CHN1: variants seen among roughly 807,000 people sequenced by gnomAD.
CHN1 encodes the protein chimerin 1.
A neutral mutation model predicts 59.5 loss-of-function variants in CHN1; 37 were observed. The ratio of observed to expected loss-of-function variants is 0.62; its 90% CI spans 0.48 to 0.82. The LOEUF (loss-of-function observed/expected upper bound fraction) is 0.82. CHN1 is among the 40% of genes least tolerant of loss of function. The pLI, the probability that CHN1 is intolerant of heterozygous loss-of-function variation, is 0.00. For missense variants in CHN1, 469 were observed against 571.0 expected, an observed-to-expected ratio of 0.82 and a Z score of 1.82; for synonymous variants, 206 against 200.4, an observed-to-expected ratio of 1.03 and a Z score of -0.24.
chr2:174,839,592 G>A (rs1307184897), intron 7 of CHN1, among the ~76,000 whole-genome samples: 1 of 151,168 alleles, frequency 6.6e-6, no homozygotes, highest in Non-Finnish European at 1.5e-5. Context: ...ATACTGTGTT[G>A]TGCACTTAAA....
At chr2:174,891,646 G>A (rs962066278) in intron 5 of CHN1, among the ~76,000 whole-genome samples, 2 of 151,504 alleles carry the variant, frequency 1.3e-5, no homozygotes, top group East Asian at 1.9e-4. Flanking sequence ...CTAAGAGGCA[G>A]TTTATAGTGG....
At chr2:174,956,202 GAAGA>G (rs1690199385) in intron 1 of CHN1, among the ~76,000 whole-genome samples, 1 of 151,966 alleles carries the variant, frequency 6.6e-6, no homozygotes, top group African/African-American at 2.4e-5. Context: ...CCAAAATGTT[GAAGA>G]AAGAAAAAAT....
chr2:174,935,795 C>T lies in CHN1; in HGVS notation c.114+9093G>A, dbSNP rs890664606. On this transcript the variant is annotated intron_variant, in intron 3 of 12. Transcript: ENST00000409900. ...CAAAACAAAACAAAAAAGCCAGGCA[C>T]GGCGGTGCACACATGCAGTCCCAGC... 2.0e-5 allele frequency among the ~76,000 whole-genome samples: 3 copies of T among 151,848 alleles called. 1 individual carries two copies. Among genetic ancestry groups the T allele is most frequent in the South Asian group, 4.2e-4 (2 of 4,804 alleles).
chr2:174,998,691 T>C (rs1341355083), intron 1 of CHN1, among the ~76,000 whole-genome samples: 2 of 152,242 alleles, frequency 1.3e-5, no homozygotes, highest in African/African-American at 4.8e-5. Context: ...CTGTGGGTAT[T>C]GGCTCTTTCC....
At chr2:174,988,163 C>T (rs1472057132) in intron 1 of CHN1, among the ~76,000 whole-genome samples, 1 of 151,996 alleles carries the variant, frequency 6.6e-6, no homozygotes, top group Non-Finnish European at 1.5e-5. Flanking sequence ...TCGAGACCAT[C>T]CTGGCTAACA....
chr2:174,997,994 CAAA>C (rs537594884), intron 1 of CHN1, among the ~76,000 whole-genome samples: 7 of 74,900 alleles, frequency 9.3e-5, no homozygotes, highest in South Asian at 3.9e-4. Flanking sequence ...CTCGGGGGCG[CAAA>C]AAAAAAAAAA....
At chr2:174,997,591 T>C (rs1023986938) in intron 1 of CHN1, among the ~76,000 whole-genome samples, 7 of 152,148 alleles carry the variant, frequency 4.6e-5, no homozygotes, top group Non-Finnish European at 8.8e-5. Flanking sequence ...GTCAAACAGA[T>C]GTTTCCATTT....
In CHN1 at chr2:174,998,163, C is replaced by A. The variant is rs568650250; in HGVS notation, c.19+6731G>T. Among the ~76,000 whole-genome samples, 40 of 151,282 alleles carry A rather than the reference C, an allele frequency of 2.6e-4. No individual in the cohort carries two copies. In the East Asian group the frequency reaches 7.4e-3, roughly 28 times the overall value. ...ACTAAATACGCAAAAATTAGCCAGGCATTGTGGCACATGCCTATGGTCCCA... is the reference window on the plus strand; with the variant it reads ...ACTAAATACGCAAAAATTAGCCAGGAATTGTGGCACATGCCTATGGTCCCA... On this transcript the variant is annotated intron_variant, in intron 1 of 12. Transcript: ENST00000409900.
intron 7 of CHN1, among the ~76,000 whole-genome samples, chr2:174,825,620 A>G (rs1263291257): frequency 6.6e-6 from 1 of 152,234 alleles, no homozygotes; most frequent in African/African-American, 2.4e-5. Flanking sequence ...CAATGAATCC[A>G]AACTCTGAAC....
Position 174,799,594 on chromosome 2 carries a change from G to C in CHN1, c.*522C>G. The C allele has an allele frequency of 1.9e-6, 1 of 527,204 alleles. No homozygotes were observed. Among genetic ancestry groups the C allele is most frequent in the Non-Finnish European group, 3.7e-6 (1 of 271,978 alleles). 32.7% of individuals were successfully genotyped at this position (527,204 alleles called of 1,614,324 possible). A position where few individuals can be genotyped will look rare whatever the true frequency, so the allele number is the denominator to read the frequency against. ...GGAAAGAAAGTACTATGTTAGAGAA[G>C]AACTAAGAGAAACCAGAAATCATTT... On this transcript the variant is annotated 3_prime_UTR_variant, in exon 13 of 13. Coordinates refer to ENST00000409900, the MANE Select transcript of CHN1 (RefSeq NM_001822.7).
chr2:174,944,137 T>C (rs1689756668), intron 3 of CHN1, among the ~76,000 whole-genome samples: 1 of 152,214 alleles, frequency 6.6e-6, no homozygotes, highest in South Asian at 2.1e-4. Flanking sequence ...TTTTCTGCTA[T>C]TACTAACAAT....
intron 6 of CHN1, among the ~76,000 whole-genome samples, chr2:174,872,502 G>C (rs1348807978): frequency 6.6e-6 from 1 of 152,158 alleles, no homozygotes; most frequent in Non-Finnish European, 1.5e-5. Context: ...AGGCAAAGGA[G>C]AGTTAAAATA....
At chr2:174,954,364 C>T (rs1690120608) in intron 1 of CHN1, among the ~76,000 whole-genome samples, 1 of 152,038 alleles carries the variant, frequency 6.6e-6, no homozygotes, top group Non-Finnish European at 1.5e-5. Flanking sequence ...TTGGAAAACC[C>T]CTTCTAGATA....
chr2:174,800,300 AG>A lies in CHN1; in HGVS notation c.1209-14del. 7.0e-7 allele frequency: 1 copy of A among 1,429,128 alleles called. No homozygotes were observed. Among genetic ancestry groups the A allele is most frequent in the African/African-American group, 1.4e-5 (1 of 70,232 alleles). The allele number at this position is 1,429,128 out of a possible 1,614,324, so 88.5% of individuals were successfully genotyped here. A position where few individuals can be genotyped will look rare whatever the true frequency, so the allele number is the denominator to read the frequency against. ...GTGGAGGGTCACTCTGAAAAATGCA[AG>A]TACAGGAATAAATGACTTTGTGTAA... On this transcript the variant is annotated splice_polypyrimidine_tract_variant and intron_variant, in intron 12 of 12. Transcript: ENST00000409900.
intron 1 of CHN1, among the ~76,000 whole-genome samples, chr2:174,995,357 T>C (rs1323871921): frequency 6.6e-6 from 1 of 152,210 alleles, no homozygotes; most frequent in Non-Finnish European, 1.5e-5. Flanking sequence ...AGCAGCATGA[T>C]GAAATCTTAC....
intron 8 of CHN1, among the ~76,000 whole-genome samples, chr2:174,813,255 A>G (rs1685134885): frequency 6.6e-6 from 1 of 152,244 alleles, no homozygotes. Flanking sequence ...GGATGATTCT[A>G]GAGTCCACAT....
At chr2:174,953,524 C>G (rs1484370785) in intron 1 of CHN1, among the ~76,000 whole-genome samples, 1 of 152,006 alleles carries the variant, frequency 6.6e-6, no homozygotes, top group Non-Finnish European at 1.5e-5. Context: ...ACCTAGAAAA[C>G]CCTAAATACT....
chr2:174,815,560 C>T (rs1169149811), intron 8 of CHN1, among the ~76,000 whole-genome samples: 1 of 149,806 alleles, frequency 6.7e-6, no homozygotes, highest in Non-Finnish European at 1.5e-5. Flanking sequence ...TTTGGTTCTT[C>T]CTAATATCTA....
chr2:174,957,539 T>C (rs1690251851), intron 1 of CHN1, among the ~76,000 whole-genome samples: 1 of 151,980 alleles, frequency 6.6e-6, no homozygotes, highest in Admixed American at 6.6e-5. Flanking sequence ...AAAATTTGCC[T>C]GTAAGCATTC....
Sources: gnomAD v4.1 joint callset for allele counts (sites outside exome capture counted in the v4.1 genomes callset) on GRCh38, gnomAD v4.1.1 for gene constraint, MANE v1.5 for transcripts, NCBI Gene and HGNC (gene_info 2026-07-23, HGNC 2026-07-21) for gene names.